PLCB1: variants seen among roughly 807,000 people sequenced by gnomAD.
PLCB1 encodes 1-phosphatidylinositol 4,5-bisphosphate phosphodiesterase beta-1.
In PLCB1, 46 loss-of-function variants were observed where a neutral mutation model predicts 161.8. That is an observed-to-expected ratio of 0.28 (90% CI 0.22 to 0.36). PLCB1 has a LOEUF of 0.36. PLCB1 is among the 10% of genes least tolerant of loss of function. The pLI, the probability that PLCB1 is intolerant of heterozygous loss-of-function variation, is 1.00. For synonymous variants in PLCB1, 517 were observed against 503.7 expected (o/e 1.03, Z -0.35); for missense variants, 1,016 against 1,472.5 (o/e 0.69, Z 5.07).
At chr20:8,780,020 T>TG (rs1260274744) in intron 27 of PLCB1, among the ~76,000 whole-genome samples, 3 of 152,202 alleles carry the variant, frequency 2.0e-5, no homozygotes, top group Non-Finnish European at 2.9e-5. Context: ...ATGAACAGCT[T>TG]GGGGGTCTGT....
At chr20:8,585,390 G>A (rs1027172278) in intron 3 of PLCB1, among the ~76,000 whole-genome samples, 3 of 152,170 alleles carry the variant, frequency 2.0e-5, no homozygotes, top group Non-Finnish European at 4.4e-5. Context: ...CTCAGAAGAG[G>A]TCACAGTTTG....
At chr20:8,266,369 T>C (rs1250726859) in intron 2 of PLCB1, among the ~76,000 whole-genome samples, 2 of 152,176 alleles carry the variant, frequency 1.3e-5, no homozygotes, top group African/African-American at 4.8e-5. Flanking sequence ...TACCTCATCC[T>C]CCAAGAGGCT....
At chr20:8,780,884 A>G (rs16995212) in intron 27 of PLCB1, among the ~76,000 whole-genome samples, 33,687 of 147,184 alleles carry the variant, frequency 0.23, 3,757 homozygotes, top group Middle Eastern at 0.37. Context: ...GTAAGGAGGA[A>G]CAACAAGATA....
At chr20:8,765,890 G>C (rs979334567) in intron 26 of PLCB1, among the ~76,000 whole-genome samples, 4 of 152,116 alleles carry the variant, frequency 2.6e-5, no homozygotes, top group African/African-American at 9.7e-5. Context: ...AGGTTGCCCA[G>C]CTGGTCTTGA....
At chr20:8,177,118 C>G (rs909244128) in intron 2 of PLCB1, among the ~76,000 whole-genome samples, 1 of 151,970 alleles carries the variant, frequency 6.6e-6, no homozygotes. Flanking sequence ...TTTGTCCCCC[C>G]AAAAAATCAT....
chr20:8,763,380 T>C (rs1003552967), intron 25 of PLCB1, among the ~76,000 whole-genome samples: 4 of 151,718 alleles, frequency 2.6e-5, no homozygotes, highest in Non-Finnish European at 5.9e-5. Context: ...TTTTGCATTT[T>C]TATTTATTTA....
intron 31 of PLCB1, among the ~76,000 whole-genome samples, chr20:8,862,929 CA>C (rs1987303770): frequency 6.6e-6 from 1 of 152,128 alleles, no homozygotes; most frequent in Admixed American, 6.5e-5. Context: ...GGGAGGGTAG[CA>C]ATTAAAAGTG....
intron 3 of PLCB1, among the ~76,000 whole-genome samples, chr20:8,509,551 A>C (rs1409985871): frequency 6.6e-6 from 1 of 152,170 alleles, no homozygotes; most frequent in Non-Finnish European, 1.5e-5. Flanking sequence ...AGGTAAAGAG[A>C]GAGTGGATAT....
At chr20:8,543,545 A>G (rs1030095257) in intron 3 of PLCB1, among the ~76,000 whole-genome samples, 1 of 150,564 alleles carries the variant, frequency 6.6e-6, no homozygotes, top group Non-Finnish European at 1.5e-5. Context: ...TCATGTATAT[A>G]TTTGTCAAAA....
intron 3 of PLCB1, among the ~76,000 whole-genome samples, chr20:8,528,794 C>T (rs544618929): frequency 6.6e-6 from 1 of 151,698 alleles, no homozygotes; most frequent in African/African-American, 2.4e-5. Context: ...CTAGATAATA[C>T]GTATTCAATC....
chr20:8,326,610 A>G (rs993744843), intron 2 of PLCB1, among the ~76,000 whole-genome samples: 8 of 152,220 alleles, frequency 5.3e-5, no homozygotes, highest in Non-Finnish European at 1.0e-4. Flanking sequence ...CTATTAACCC[A>G]TGAAGTCTCT....
At chr20:8,322,442 A>G (rs1489145595) in intron 2 of PLCB1, among the ~76,000 whole-genome samples, 1 of 152,128 alleles carries the variant, frequency 6.6e-6, no homozygotes, top group African/African-American at 2.4e-5. Flanking sequence ...AGTATTTTAT[A>G]CACCAGCTAA....
chr20:8,860,873 TTCAAC>T (rs1442720311), intron 31 of PLCB1, among the ~76,000 whole-genome samples: 2 of 152,208 alleles, frequency 1.3e-5, no homozygotes, highest in Non-Finnish European at 2.9e-5. Flanking sequence ...TTTTTTGACT[TTCAAC>T]TCAGTGTTGT....
chr20:8,733,738 A>G (rs1387986691), intron 19 of PLCB1, among the ~76,000 whole-genome samples: 3 of 150,248 alleles, frequency 2.0e-5, no homozygotes, highest in Admixed American at 6.7e-5. Context: ...ATGTATACAT[A>G]TGTAACTAAC....
At chr20:8,300,377 C>T (rs769959918) in intron 2 of PLCB1, among the ~76,000 whole-genome samples, 7 of 152,002 alleles carry the variant, frequency 4.6e-5, no homozygotes, top group Non-Finnish European at 8.8e-5. Context: ...ATAATAAGGA[C>T]GGGGATATAG....
chr20:8,460,036 A>T (rs1231751842), intron 3 of PLCB1, among the ~76,000 whole-genome samples: 1 of 152,200 alleles, frequency 6.6e-6, no homozygotes, highest in East Asian at 1.9e-4. Flanking sequence ...GTTTGGGTGG[A>T]TGGAAAAGAC....
rs542488246 is a variant in PLCB1 at position 8,320,064 on chromosome 20, CAT to C, written c.178-51317_178-51316del. ...GAGGTTTTGGGTGAAGAAGATGAGA[CAT>C]GTGAGGTCCGGGGGCATGGCATTTT... On this transcript the variant is annotated intron_variant, in intron 2 of 31. Coordinates refer to ENST00000338037, the MANE Select transcript of PLCB1 (RefSeq NM_015192.4). Among the ~76,000 whole-genome samples the C allele has an allele frequency of 2.6e-3, 388 of 152,100 alleles. 2 individuals are homozygous for C. The highest frequency in any genetic ancestry group is 8.7e-3 in the African/African-American group (359 of 41,486).
At chr20:8,301,446 C>T (rs942271287) in intron 2 of PLCB1, among the ~76,000 whole-genome samples, 5 of 152,088 alleles carry the variant, frequency 3.3e-5, no homozygotes, top group South Asian at 2.1e-4. Context: ...AGCATTAGTA[C>T]AATTGAATAC....
intron 2 of PLCB1, among the ~76,000 whole-genome samples, chr20:8,262,248 CT>C (rs10718370): frequency 0.36 from 52,846 of 148,286 alleles, 9,265 homozygotes; most frequent in East Asian, 0.45. Context: ...CGCCAGGCTA[CT>C]TTTTTTTTTT....
Sources: gnomAD v4.1 joint callset for allele counts (sites outside exome capture counted in the v4.1 genomes callset) on GRCh38, gnomAD v4.1.1 for gene constraint, MANE v1.5 for transcripts, NCBI Gene and HGNC (gene_info 2026-07-23, HGNC 2026-07-21) for gene names.